The following SLC24A2 variants were observed in gnomAD, a reference collection of about 807,000 sequenced individuals.
SLC24A2 encodes solute carrier family 24 member 2, also known as sodium/potassium/calcium exchanger 2.
SLC24A2 carries 36 observed loss-of-function variants against 62.0 expected under a neutral mutation model. The observed-to-expected ratio is 0.58, with a 90% confidence interval of 0.44 to 0.77. The LOEUF (loss-of-function observed/expected upper bound fraction) is 0.77. SLC24A2 is among the 30% of genes least tolerant of loss of function. SLC24A2 has a pLI of 0.00. For synonymous variants in SLC24A2, 358 were observed against 294.0 expected, an observed-to-expected ratio of 1.22 and a Z score of -2.23; for missense variants, 846 against 817.9, an observed-to-expected ratio of 1.03 and a Z score of -0.42.
chr9:19,733,665 G>C (rs1268236200), intron 2 of SLC24A2, among the ~76,000 whole-genome samples: 1 of 152,178 alleles, frequency 6.6e-6, no homozygotes, highest in African/African-American at 2.4e-5. Flanking sequence ...AAGTTTTCTT[G>C]TTATAAAAAT....
At chr9:19,781,078 G>A (rs1056157629) in intron 2 of SLC24A2, among the ~76,000 whole-genome samples, 2 of 152,012 alleles carry the variant, frequency 1.3e-5, no homozygotes, top group African/African-American at 2.4e-5. Context: ...TAAACTTTCC[G>A]GTTAAAAGAC....
chr9:20,202,715 G>C, the SLC24A2 span, among the ~76,000 whole-genome samples: 143 of 152,262 alleles, frequency 9.4e-4, no homozygotes, highest in African/African-American at 3.4e-3. Flanking sequence ...AGGCAAGTCG[G>C]ATATATTGCT....
chr9:20,100,341 A>G, the SLC24A2 span, among the ~76,000 whole-genome samples: 23 of 152,184 alleles, frequency 1.5e-4, no homozygotes, highest in Non-Finnish European at 2.6e-4. Context: ...CATTACAAGC[A>G]TAAGTCCCTA....
chr9:19,764,007 T>C (rs1315807178), intron 2 of SLC24A2, among the ~76,000 whole-genome samples: 1 of 152,214 alleles, frequency 6.6e-6, no homozygotes, highest in Non-Finnish European at 1.5e-5. Flanking sequence ...ATTGGTCTAC[T>C]CAGGGATTCG....
chr9:20,186,055 G>A, the SLC24A2 span, among the ~76,000 whole-genome samples: 3 of 152,110 alleles, frequency 2.0e-5, no homozygotes, highest in Non-Finnish European at 2.9e-5. Context: ...TTGGAGTTCT[G>A]TCTTGGGTGC....
chr9:20,078,632 C>A, the SLC24A2 span, among the ~76,000 whole-genome samples: 4 of 152,216 alleles, frequency 2.6e-5, no homozygotes, highest in Non-Finnish European at 5.9e-5. Context: ...ATTCCACCCA[C>A]CTCCATCTCC....
chr9:19,664,619 C>A (rs896545539), intron 2 of SLC24A2, among the ~76,000 whole-genome samples: 1 of 152,120 alleles, frequency 6.6e-6, no homozygotes, highest in Non-Finnish European at 1.5e-5. Flanking sequence ...GGCACAGAGT[C>A]TTTGAAGATG....
chr9:19,837,325 G>A, the SLC24A2 span, among the ~76,000 whole-genome samples: 296 of 151,058 alleles, frequency 2.0e-3, no homozygotes, highest in Non-Finnish European at 5.5e-4. Context: ...GGTGGCGGGC[G>A]CCTGTAGTCC....
At chr9:20,066,854 C>A in the SLC24A2 span, among the ~76,000 whole-genome samples, 7 of 152,144 alleles carry the variant, frequency 4.6e-5, no homozygotes, top group Non-Finnish European at 7.4e-5. Flanking sequence ...TTAAAAGCAA[C>A]AGGTAATGAC....
At chr9:19,652,113 G>A (rs952498211) in intron 2 of SLC24A2, among the ~76,000 whole-genome samples, 3 of 152,114 alleles carry the variant, frequency 2.0e-5, no homozygotes, top group African/African-American at 4.8e-5. Context: ...AAAGCTAATT[G>A]GTAGTACCTT....
the SLC24A2 span, among the ~76,000 whole-genome samples, chr9:19,873,257 CTTT>C: frequency 1.3e-5 from 2 of 151,056 alleles, no homozygotes; most frequent in Admixed American, 6.6e-5. Context: ...TCTCTTTCTT[CTTT>C]TTCTTTCTTT....
the SLC24A2 span, among the ~76,000 whole-genome samples, chr9:19,987,242 A>C: frequency 1.3e-5 from 2 of 152,116 alleles, no homozygotes; most frequent in Admixed American, 6.6e-5. Flanking sequence ...GAGAGGTCTC[A>C]CTGTCGGGTG....
chr9:20,169,235 G>A, the SLC24A2 span, among the ~76,000 whole-genome samples: 1 of 151,970 alleles, frequency 6.6e-6, no homozygotes, highest in East Asian at 1.9e-4. Context: ...TTTATGCTGG[G>A]ATCATGAAAA....
At chr9:19,783,443 GT>G (rs1190936317) in intron 2 of SLC24A2, among the ~76,000 whole-genome samples, 3 of 152,134 alleles carry the variant, frequency 2.0e-5, no homozygotes, top group Non-Finnish European at 4.4e-5. Context: ...TTTCCTAGAT[GT>G]TTTGGTGATG....
the SLC24A2 span, among the ~76,000 whole-genome samples, chr9:20,134,852 T>A: frequency 6.6e-6 from 1 of 152,304 alleles, no homozygotes; most frequent in Middle Eastern, 3.4e-3. Flanking sequence ...CTTGCCAAAG[T>A]ACAGATATCA....
chr9:20,261,560 C>G, the SLC24A2 span, among the ~76,000 whole-genome samples: 1 of 152,108 alleles, frequency 6.6e-6, no homozygotes, highest in African/African-American at 2.4e-5. Flanking sequence ...CTGGTAGGCC[C>G]CACCACCCAA....
chr9:20,209,743 A>C, the SLC24A2 span, among the ~76,000 whole-genome samples: 1 of 152,200 alleles, frequency 6.6e-6, no homozygotes, highest in African/African-American at 2.4e-5. Flanking sequence ...ACCCCCTCAA[A>C]GTCAAATGTG....
At chr9:20,297,261 T>G in the SLC24A2 span, among the ~76,000 whole-genome samples, 5 of 152,136 alleles carry the variant, frequency 3.3e-5, no homozygotes, top group Non-Finnish European at 7.3e-5. Flanking sequence ...GGTTACAGAT[T>G]GAGCCTCAAA....
chr9:20,294,327 A>G, the SLC24A2 span, among the ~76,000 whole-genome samples: 1 of 152,102 alleles, frequency 6.6e-6, no homozygotes, highest in African/African-American at 2.4e-5. Context: ...CACGGTGACA[A>G]TGGTAATATT....
Sources: allele counts gnomAD v4.1 joint callset (sites outside exome capture counted in the v4.1 genomes callset), GRCh38; gene constraint gnomAD v4.1.1; transcripts MANE v1.5; gene names NCBI Gene and HGNC (gene_info 2026-07-23, HGNC 2026-07-21).